The following AFF1 variants were observed in gnomAD, a reference collection of about 807,000 sequenced individuals.
The protein encoded by AFF1 is ALF transcription elongation factor 1.
AFF1 carries 48 observed loss-of-function variants against 121.7 expected under a neutral mutation model. The ratio of observed to expected loss-of-function variants is 0.39; its 90% CI spans 0.31 to 0.50. The LOEUF (loss-of-function observed/expected upper bound fraction) is 0.50. Ranked by LOEUF, AFF1 falls within the 20% of genes least tolerant of loss-of-function variation. The probability of loss-of-function intolerance (pLI) is 0.76; values close to 1 mark genes in which losing one functional copy is unlikely to be tolerated. For synonymous variants in AFF1, 613 were observed against 563.0 expected (o/e 1.09, Z -1.26); for missense variants, 1,523 against 1,511.7 (o/e 1.01, Z -0.12).
At chr4:87,091,601 G>A (rs1471331066) in intron 6 of AFF1, among the ~76,000 whole-genome samples, 192 bp from the exon 7 acceptor site, 1 of 152,188 alleles carries the variant, frequency 6.6e-6, no homozygotes, top group Non-Finnish European at 1.5e-5. Flanking sequence ...TAGATGGATA[G>A]CTGCAAGTCA....
In AFF1 at chr4:87,017,290, A is replaced by G. The variant is rs773492610; in HGVS notation, c.39-28876A>G. Among the ~76,000 whole-genome samples the G allele has an allele frequency of 2.8e-4, 43 of 152,146 alleles. 1 individual carries two copies. Among genetic ancestry groups the G allele is most frequent in the Admixed American group, 2.2e-3 (33 of 15,276 alleles). On this transcript the variant is annotated intron_variant, in intron 2 of 20. Transcript: ENST00000395146. ...TGCTATCTTCATAGTTATTTGGGCT[A>G]TGAAAGTAGTGGTTCTGAGATCTGA...
intron 8 of AFF1, among the ~76,000 whole-genome samples, chr4:87,103,680 CTT>C (rs2149741582): frequency 6.6e-6 from 1 of 152,326 alleles, no homozygotes; most frequent in Admixed American, 6.5e-5. Flanking sequence ...AAAGTCAGAA[CTT>C]TCTCTAACTT....
At chr4:87,000,603 CTCTGTGTGTGTGTGTG>C (rs1162007655) in intron 2 of AFF1, among the ~76,000 whole-genome samples, 9 of 76,814 alleles carry the variant, frequency 1.2e-4, no homozygotes, top group African/African-American at 2.6e-4. Flanking sequence ...AAAAAATAAA[CTCTGTGTGTGTGTGTG>C]TGTGTGTGTG....
chr4:87,023,714 C>T (rs1728255596), intron 2 of AFF1, among the ~76,000 whole-genome samples: 1 of 152,246 alleles, frequency 6.6e-6, no homozygotes, highest in Non-Finnish European at 1.5e-5. Flanking sequence ...CAGAATGTTT[C>T]TTAACTTGTG....
chr4:87,115,041 G>A lies in AFF1; in HGVS notation c.2208G>A (p.Val736=), dbSNP rs1344808989. Residue 736 remains valine, a synonymous_variant, in exon 12 of 21, where the codon GTG becomes GTA. Transcript: ENST00000395146. The part of the protein sequence containing the change: ...SRTSGCRQAV[V]VQEDSRKDRL... Reference sequence around the variant, plus strand: ...CTAGTGGCTGCCGCCAAGCCGTGGTGGTCCAGGAGGACAGCCGCAAAGACA... The same window carrying A: ...CTAGTGGCTGCCGCCAAGCCGTGGTAGTCCAGGAGGACAGCCGCAAAGACA... 2 of 1,614,162 alleles carry A rather than the reference G, an allele frequency of 1.2e-6. No homozygotes were observed. Among genetic ancestry groups the A allele is most frequent in the Non-Finnish European group, 8.5e-7 (1 of 1,180,040 alleles).
chr4:87,005,899 T>A (rs1033715061), intron 2 of AFF1, among the ~76,000 whole-genome samples: 1 of 152,246 alleles, frequency 6.6e-6, no homozygotes, highest in Non-Finnish European at 1.5e-5. Flanking sequence ...GCCAGCAGTT[T>A]CCCCATAATT....
intron 4 of AFF1, among the ~76,000 whole-genome samples, chr4:87,078,101 A>G (rs761823372): frequency 2.4e-4 from 36 of 152,270 alleles, no homozygotes; most frequent in Admixed American, 5.9e-4. Context: ...TTGAGTGCCT[A>G]TTTCCCCATG....
intron 4 of AFF1, among the ~76,000 whole-genome samples, chr4:87,050,726 A>G (rs901788423): frequency 6.6e-6 from 1 of 152,214 alleles, no homozygotes; most frequent in African/African-American, 2.4e-5. Context: ...TTTTACGTCA[A>G]CTGGAAGATG....
chr4:87,123,237 T>A (rs955212452), intron 12 of AFF1, among the ~76,000 whole-genome samples: 4 of 152,202 alleles, frequency 2.6e-5, no homozygotes, highest in African/African-American at 9.6e-5. Context: ...CCTAAAAGAT[T>A]ACTTTAATCA....
intron 5 of AFF1, among the ~76,000 whole-genome samples, chr4:87,087,024 G>A (rs1360455056): frequency 1.3e-5 from 2 of 152,136 alleles, no homozygotes; most frequent in Non-Finnish European, 2.9e-5. Context: ...TCATGCACTA[G>A]GGTCTAGAAA....
chr4:87,007,102 C>G, intron 2 of AFF1: 2 of 1,258,756 alleles, frequency 1.6e-6, no homozygotes, highest in South Asian at 4.9e-5. Context: ...TCAGAAACTG[C>G]GCCGGGGGCG....
At position 87,134,701 on chromosome 4, in the gene AFF1, A is replaced by G; in HGVS notation, c.3535+7A>G. On this transcript the variant is annotated splice_region_variant and intron_variant, in intron 20 of 20. Transcript: ENST00000395146. ...CTCACGAGGAAGAATAAAGGTAAAT[A>G]AATGGCTTTGTGGTGGTAATTACTG... The G allele has an allele frequency of 6.2e-7, 1 of 1,606,962 alleles. No homozygotes were observed. Among genetic ancestry groups the G allele is most frequent in the Non-Finnish European group, 8.5e-7 (1 of 1,174,556 alleles).
At chr4:87,012,238 A>G (rs540030370) in intron 2 of AFF1, among the ~76,000 whole-genome samples, 4 of 50,010 alleles carry the variant, frequency 8.0e-5, no homozygotes, top group Non-Finnish European at 1.7e-4. Flanking sequence ...TTTTTTTTGT[A>G]TAACTATACA....
At chr4:87,056,143 C>T (rs1163360364) in intron 4 of AFF1, among the ~76,000 whole-genome samples, 2 of 151,974 alleles carry the variant, frequency 1.3e-5, no homozygotes, top group African/African-American at 4.8e-5. Flanking sequence ...TCTTCTTAAT[C>T]CCTTTGGCTG....
chr4:87,070,197 T>C (rs1221389266), intron 4 of AFF1, among the ~76,000 whole-genome samples: 1 of 152,154 alleles, frequency 6.6e-6, no homozygotes, highest in Non-Finnish European at 1.5e-5. Context: ...AGAAACGGGG[T>C]TTCACCATGT....
intron 4 of AFF1, among the ~76,000 whole-genome samples, chr4:87,053,357 A>T (rs1464153364): frequency 6.6e-6 from 1 of 152,212 alleles, no homozygotes; most frequent in Non-Finnish European, 1.5e-5. Flanking sequence ...GATTCATTGC[A>T]GCTCTTAAAT....
chr4:86,978,176 A>AATTTTTTTTT, intron 2 of AFF1, among the ~76,000 whole-genome samples: 1 of 22,656 alleles, frequency 4.4e-5, no homozygotes, highest in Non-Finnish European at 1.2e-4. Flanking sequence ...CATTACATTC[A>AATTTTTTTTT]CTTTTTTTTT....
intron 2 of AFF1, among the ~76,000 whole-genome samples, chr4:87,027,865 C>T (rs560555316): frequency 7.4e-6 from 1 of 135,252 alleles, no homozygotes; most frequent in South Asian, 2.3e-4. Flanking sequence ...AATGCAGTGG[C>T]CCATTGCAAC....
rs1454253455 is a variant in AFF1, at chr4:87,111,142, G to A, written c.1533+2827G>A. ...CCTGCCTCAGCCTCCCGAGTAGCTG[G>A]GACTACAGGCGCCCGCTACCACGCC... On this transcript the variant is annotated intron_variant, in intron 11 of 20. Coordinates refer to ENST00000395146, the MANE Select transcript of AFF1 (RefSeq NM_001166693.3). Among the ~76,000 whole-genome samples, 460 of 78,028 alleles carry A rather than the reference G, an allele frequency of 5.9e-3. 1 individual carries two copies. The highest frequency in any genetic ancestry group is 7.9e-3 in the Middle Eastern group (1 of 126). The allele number at this position is 78,028 out of a possible 152,430, so 51.2% of individuals were successfully genotyped here.
Sources: gnomAD v4.1 joint callset for allele counts (sites outside exome capture counted in the v4.1 genomes callset) on GRCh38, gnomAD v4.1.1 for gene constraint, MANE v1.5 for transcripts, NCBI Gene and HGNC (gene_info 2026-07-23, HGNC 2026-07-21) for gene names.